FAM83E: variants seen among roughly 807,000 people sequenced by gnomAD.
FAM83E encodes the protein protein FAM83E.
FAM83E carries 29 observed loss-of-function variants against 34.3 expected under a neutral mutation model. The ratio of observed to expected loss-of-function variants is 0.85; its 90% confidence interval spans 0.63 to 1.15. The LOEUF (loss-of-function observed/expected upper bound fraction) is 1.15, where lower values mean the gene tolerates loss of function less well. FAM83E is among the 50% of genes most tolerant of loss of function. The probability of loss-of-function intolerance (pLI) is 0.00; values close to 1 mark genes in which losing one functional copy is unlikely to be tolerated. For synonymous variants in FAM83E, 312 were observed against 311.6 expected (o/e 1.00, Z -0.01); for missense variants, 697 against 685.0 (o/e 1.02, Z -0.20).
At chr19:48,605,039 A>C (rs994456594) in intron 5 of FAM83E, among the ~76,000 whole-genome samples, 4 of 146,436 alleles carry the variant, frequency 2.7e-5, no homozygotes, top group Admixed American at 2.1e-4. Flanking sequence ...AAAAAAAAAA[A>C]AAAACTTATC....
Position 48,602,715 on chromosome 19 carries a change from A to G in FAM83E, c.1176+779T>C, listed in dbSNP as rs4011547. On this transcript the variant is annotated intron_variant, in intron 6 of 6. Transcript: ENST00000263266. The stretch of plus-strand genomic sequence containing the variant: ...AAAAAAAAAAAAAAAATATATATAT[A>G]TATATATATATATATATATATATAT... Among the ~76,000 whole-genome samples, 12 of 19,558 alleles carry G rather than the reference A, an allele frequency of 6.1e-4. 1 individual carries two copies. The highest frequency in any genetic ancestry group is 2.0e-3 in the African/African-American group (10 of 5,080). The allele number at this position is 19,558 out of a possible 152,430, so 12.8% of individuals were successfully genotyped here. A position where few individuals can be genotyped will look rare whatever the true frequency, so the allele number is the denominator to read the frequency against.
intron 6 of FAM83E, among the ~76,000 whole-genome samples, chr19:48,602,825 T>TTTA (rs201384936): frequency 0.077 from 8,799 of 113,832 alleles, 379 homozygotes; most frequent in East Asian, 0.13. Flanking sequence ...TTATTTATTG[T>TTTA]TTATTATTAT....
At chr19:48,604,321 G>GTTT (rs1973887639) in intron 5 of FAM83E, among the ~76,000 whole-genome samples, 2 of 130,104 alleles carry the variant, frequency 1.5e-5, no homozygotes, top group African/African-American at 6.9e-5. Flanking sequence ...TTGACCCTGG[G>GTTT]ATTTTTTTTT....
At chr19:48,612,144 C>T (rs981210369) in intron 3 of FAM83E, among the ~76,000 whole-genome samples, 6 of 152,136 alleles carry the variant, frequency 3.9e-5, no homozygotes, top group East Asian at 1.9e-4. Context: ...TACAGGGTTC[C>T]GGGACGATGA....
At position 48,613,285 on chromosome 19, in the gene FAM83E, C is replaced by A; in HGVS notation, c.88G>T (p.Gly30Cys). 1 of 1,609,042 alleles carries A rather than the reference C, an allele frequency of 6.2e-7. No homozygotes were observed. The highest frequency in any genetic ancestry group is 2.2e-5 in the East Asian group (1 of 44,822). Reference sequence around the variant, plus strand: ...AGAGCCTCCAGTGCCAGCCGCTGGCCCTCGGAATATAGAAAGCCGGGGCTG... The same window carrying A: ...AGAGCCTCCAGTGCCAGCCGCTGGCACTCGGAATATAGAAAGCCGGGGCTG... ...GASPGFLYSE[G>C]QRLALEALLS... Residue 30 changes from glycine to cysteine, a missense_variant, in exon 3 of 7, where the codon GGC becomes TGC. Transcript: ENST00000263266.
chr19:48,606,810 G>C (rs141018754), intron 5 of FAM83E: 5 of 766,364 alleles, frequency 6.5e-6, no homozygotes, highest in Non-Finnish European at 1.0e-5. Flanking sequence ...TTAGAGGGAC[G>C]CAGGGCGTTG....
Position 48,603,708 on chromosome 19 carries a change from G to A in FAM83E, c.962C>T (p.Ala321Val), listed in dbSNP as rs767132202. ...GTCAGGCGGCGGAGGCGACGCGGGG[G>A]CCACGGAGCGGCGGCGGGACACGCG... ...PHRVSRRRSVAPASPPPPDGP... is the reference protein window; with the variant it reads ...PHRVSRRRSVVPASPPPPDGP... The change falls in exon 6 of 7, where the codon GCC (alanine) becomes GTC (valine). Residue 321 changes from alanine to valine, a missense_variant. By Grantham distance (64) the Ala-to-Val change is moderately conservative. Coordinates refer to ENST00000263266, the MANE Select transcript of FAM83E (RefSeq NM_017708.4). The A allele has an allele frequency of 5.0e-6, 7 of 1,400,652 alleles. No individual in the cohort carries two copies. In the Admixed American group the frequency reaches 1.9e-4, roughly 38 times the overall value. 86.8% of individuals were successfully genotyped at this position (1,400,652 alleles called of 1,614,324 possible).
rs764442865 is a variant in FAM83E, at chr19:48,610,765, G to A, written c.548C>T (p.Pro183Leu). ...CTGGCGGTCCAGGAGCAGGTAGACA[G>A]GTACCCAGCGGCGCGTGGCAGCATC... ...LVDAATRRWV[P>L]VYLLLDRQQL... The change falls in exon 4 of 7, where the codon CCT becomes CTT. Residue 183 changes from proline (P) to leucine (L), a missense_variant. Coordinates refer to ENST00000263266, the MANE Select transcript of FAM83E (RefSeq NM_017708.4). 14 of 1,587,948 alleles carry A rather than the reference G, an allele frequency of 8.8e-6. No individual in the cohort carries two copies. In the Admixed American group the frequency reaches 2.1e-4, roughly 24 times the overall value.
chr19:48,611,295 A>G (rs1219895425), intron 3 of FAM83E, among the ~76,000 whole-genome samples: 2 of 151,466 alleles, frequency 1.3e-5, no homozygotes, highest in Admixed American at 1.3e-4. Context: ...CAGCCTCCCA[A>G]GTAGCTGGGA....
chr19:48,611,508 C>T (rs1974041636), intron 3 of FAM83E, among the ~76,000 whole-genome samples: 1 of 151,112 alleles, frequency 6.6e-6, no homozygotes, highest in South Asian at 2.1e-4. Flanking sequence ...TGCTCTGTTG[C>T]CCAGGCTGGA....
intron 3 of FAM83E, among the ~76,000 whole-genome samples, chr19:48,611,167 T>G (rs1202351233): frequency 2.6e-5 from 4 of 151,406 alleles, no homozygotes; most frequent in Non-Finnish European, 5.9e-5. Flanking sequence ...GTTGTTGTTT[T>G]TTGTTGTTTT....
Position 48,613,960 on chromosome 19 carries a change from GCAAACGCCAATGGCTTCCGACTGA to G in FAM83E, c.-612_-589del. On this transcript the variant is annotated 5_prime_UTR_variant, in exon 3 of 7. Transcript: ENST00000263266. ...ACTGACCCTCTCCTTCCACTGTCTG[GCAAACGCCAATGGCTTCCGACTGA>G]CAGTCACAGTATCTGCCTGTTGGAG... is the stretch of plus-strand genomic sequence containing the variant. 1 of 985,390 alleles carries G rather than the reference GCAAACGCCAATGGCTTCCGACTGA, an allele frequency of 1.0e-6. No individual in the cohort carries two copies. The highest frequency in any genetic ancestry group is 1.2e-6 in the Non-Finnish European group (1 of 829,934). The allele number at this position is 985,390 out of a possible 1,614,324, so 61.0% of individuals were successfully genotyped here. A position where few individuals can be genotyped will look rare whatever the true frequency, so the allele number is the denominator to read the frequency against.
rs1973795519 is a variant in FAM83E, at chr19:48,600,687, T to C, written c.*422A>G. On this transcript the variant is annotated 3_prime_UTR_variant, in exon 7 of 7. Transcript: ENST00000263266. ...TTTTTAAAGAGATGGCCTCTCACTG[T>C]GTTGCCCAGGCTGGAGTGCAAGGGC... 1 of 156,918 alleles carries C rather than the reference T, an allele frequency of 6.4e-6. No individual in the cohort carries two copies. The highest frequency in any genetic ancestry group is 1.4e-5 in the Non-Finnish European group (1 of 71,744). 9.7% of individuals were successfully genotyped at this position (156,918 alleles called of 1,614,324 possible).
In FAM83E at chr19:48,614,360, C is replaced by T; in HGVS notation, c.-988G>A. ...GCCTGGCCCTGGGACCTGTTCCAGG[C>T]CGTCCTCTGATCTGCGGGGAGCCCT... On this transcript the variant is annotated 5_prime_UTR_variant, in exon 3 of 7. Transcript: ENST00000263266. The T allele has an allele frequency of 1.0e-6, 1 of 985,528 alleles. No homozygotes were observed. The highest frequency in any genetic ancestry group is 1.2e-6 in the Non-Finnish European group (1 of 830,012). The allele number at this position is 985,528 out of a possible 1,614,324, so 61.0% of individuals were successfully genotyped here. A position where few individuals can be genotyped will look rare whatever the true frequency, so the allele number is the denominator to read the frequency against.
intron 3 of FAM83E, 79 bp downstream of exon 3, chr19:48,612,829 T>A (rs1974068382): frequency 6.9e-7 from 1 of 1,439,614 alleles, no homozygotes. Context: ...CGCTTGCAAG[T>A]CCCAGGAGGA....
chr19:48,600,996 C>A lies in FAM83E; in HGVS notation c.*113G>T, dbSNP rs143428058. 356 of 1,478,310 alleles carry A rather than the reference C, an allele frequency of 2.4e-4. No individual in the cohort carries two copies. The highest frequency in any genetic ancestry group is 2.9e-4 in the Non-Finnish European group (330 of 1,122,322). The allele number at this position is 1,478,310 out of a possible 1,614,324, so 91.6% of individuals were successfully genotyped here. On this transcript the variant is annotated 3_prime_UTR_variant, in exon 7 of 7. Coordinates refer to ENST00000263266, the MANE Select transcript of FAM83E (RefSeq NM_017708.4). ...ACAAACATCCCTTCTGCTTGACAGA[C>A]GCCGAGGCCAGAAGCCTTGTCCAAG...
chr19:48,612,379 G>C (rs1974055910), intron 3 of FAM83E, among the ~76,000 whole-genome samples: 1 of 151,770 alleles, frequency 6.6e-6, no homozygotes, highest in Non-Finnish European at 1.5e-5. Flanking sequence ...CCAGGTCTTG[G>C]GGGAGGGTAG....
chr19:48,612,222 C>T (rs1050422800), intron 3 of FAM83E, among the ~76,000 whole-genome samples: 1 of 152,056 alleles, frequency 6.6e-6, no homozygotes, highest in Non-Finnish European at 1.5e-5. Context: ...AAGTACACAG[C>T]AGGCTTTCCA....
At position 48,615,048 on chromosome 19, in the gene FAM83E, C is replaced by T. The variant is rs1216347990; in HGVS notation, c.-1499G>A. On this transcript the variant is annotated 5_prime_UTR_variant, in exon 1 of 7. Transcript: ENST00000263266. Reference sequence around the variant, plus strand: ...AGTCTCTCCCTCCCCACAGCCCTGCCAGCCTGCACCCTGCACTTCCCGGTC... The same window carrying T: ...AGTCTCTCCCTCCCCACAGCCCTGCTAGCCTGCACCCTGCACTTCCCGGTC... Among the ~76,000 whole-genome samples the T allele has an allele frequency of 6.6e-6, 1 of 152,166 alleles. No individual in the cohort carries two copies. The highest frequency in any genetic ancestry group is 1.5e-5 in the Non-Finnish European group (1 of 68,018).
Sources: allele counts gnomAD v4.1 joint callset (sites outside exome capture counted in the v4.1 genomes callset), GRCh38; gene constraint gnomAD v4.1.1; transcripts MANE v1.5; gene names NCBI Gene and HGNC (gene_info 2026-07-23, HGNC 2026-07-21).